The following DNAH12 variants were observed in gnomAD, a reference collection of about 807,000 sequenced individuals.
DNAH12 encodes axonemal beta dynein heavy chain 12.
DNAH12 carries 285 observed loss-of-function variants against 371.5 expected under a neutral mutation model. The observed-to-expected ratio is 0.77, with a 90% CI of 0.70 to 0.85. DNAH12 has a LOEUF of 0.85. Ranked by LOEUF, DNAH12 falls within the 40% of genes least tolerant of loss-of-function variation. The probability of loss-of-function intolerance (pLI) is 0.00; values close to 1 mark genes in which losing one functional copy is unlikely to be tolerated. For missense variants in DNAH12, 3,611 were observed against 3,689.4 expected, an observed-to-expected ratio of 0.98 and a Z score of 0.55; for synonymous variants, 1,200 against 1,213.0, an observed-to-expected ratio of 0.99 and a Z score of 0.22.
At chr3:57,373,784 A>G (rs1272650139) in intron 55 of DNAH12, among the ~76,000 whole-genome samples, 1 of 152,204 alleles carries the variant, frequency 6.6e-6, no homozygotes, top group African/African-American at 2.4e-5. Context: ...TAACCAAAAT[A>G]TATTCTTTTT....
rs767979624 is a variant in DNAH12 at position 57,436,980 on chromosome 3, T to C, written c.4626A>G (p.Gln1542=). 7.3e-6 allele frequency: 11 copies of C among 1,513,712 alleles called. No homozygotes were observed. In the East Asian group the frequency reaches 2.2e-4, roughly 31 times the overall value. The allele number at this position is 1,513,712 out of a possible 1,614,324, so 93.8% of individuals were successfully genotyped here. Residue 1542 remains glutamine, a synonymous_variant, in exon 30 of 74, where the codon CAA becomes CAG. Coordinates refer to ENST00000495027, the MANE Select transcript of DNAH12 (RefSeq NM_001366028.2). Reference sequence around the variant, plus strand: ...GTCTAACAATCATCATTTCATATGTTTGAATTATTTTTTCAAGAAAAAATT... The same window carrying C: ...GTCTAACAATCATCATTTCATATGTCTGAATTATTTTTTCAAGAAAAAATT... ...PVKFFLEKII[Q]TYEMMIVRHG...
intron 60 of DNAH12, among the ~76,000 whole-genome samples, chr3:57,340,094 G>A (rs953999565): frequency 1.3e-5 from 2 of 151,446 alleles, no homozygotes; most frequent in Non-Finnish European, 2.9e-5. Flanking sequence ...ATTCCTTGAA[G>A]CAAATGAAAA....
chr3:57,496,778 G>A (rs865801336), intron 11 of DNAH12, among the ~76,000 whole-genome samples: 1 of 152,130 alleles, frequency 6.6e-6, no homozygotes, highest in Non-Finnish European at 1.5e-5. Flanking sequence ...AGACCAGCCT[G>A]GCCAACATGG....
rs1458233348 is a variant in DNAH12 at position 57,314,671 on chromosome 3, G to A, written c.10525-40C>T. 3.3e-6 allele frequency: 5 copies of A among 1,507,810 alleles called. No homozygotes were observed. The South Asian group carries it at 3.9e-5, about 12-fold the overall frequency. The allele number at this position is 1,507,810 out of a possible 1,614,324, so 93.4% of individuals were successfully genotyped here. A position where few individuals can be genotyped will look rare whatever the true frequency, so the allele number is the denominator to read the frequency against. On this transcript the variant is annotated intron_variant, in intron 65 of 73. Transcript: ENST00000495027. The stretch of plus-strand genomic sequence containing the variant: ...GTACATAACAAGAAAAAAAATTCCG[G>A]TCAGATTCCATCAGTAAAATGAGAG...
At chr3:57,457,577 TTAA>T in intron 22 of DNAH12, 141 bp downstream of exon 22, 2 of 919,454 alleles carry the variant, frequency 2.2e-6, no homozygotes, top group Non-Finnish European at 3.1e-6. Context: ...TATTGTTATA[TTAA>T]TAATGTTAGA....
At chr3:57,354,546 AAAAG>A (rs1435544961) in intron 59 of DNAH12, among the ~76,000 whole-genome samples, 1 of 84,774 alleles carries the variant, frequency 1.2e-5, no homozygotes, top group Non-Finnish European at 3.2e-5. Context: ...GCTAAAAAAA[AAAAG>A]AAAAAAAAAA....
At position 57,433,410 on chromosome 3, in the gene DNAH12, A is replaced by C; in HGVS notation, c.4937T>G (p.Leu1646Trp). 6.4e-7 allele frequency: 1 copy of C among 1,551,468 alleles called. No homozygotes were observed. The highest frequency in any genetic ancestry group is 8.7e-7 in the Non-Finnish European group (1 of 1,146,910). ...TACTGTGTTCATGCTCTCTATCCAC[A>C]AAGTGTCAATAGGACCATCAAATAC... ...WVVFDGPIDTLWIESMNTVLD... is the reference protein window; with the variant it reads ...WVVFDGPIDTWWIESMNTVLD... Residue 1646 changes from leucine to tryptophan, a missense_variant, in exon 32 of 74, where the codon TTG (leucine) becomes TGG (tryptophan). Physicochemically the swap from Leu to Trp is moderately conservative, Grantham distance 61. This residue lies in a region of DNAH12 where 2,266 missense variants were observed against 2,236.9 expected (regional missense o/e 1.01). Transcript: ENST00000495027.
At chr3:57,332,270 C>A (rs556513006) in intron 62 of DNAH12, among the ~76,000 whole-genome samples, 1 of 152,260 alleles carries the variant, frequency 6.6e-6, no homozygotes, top group Non-Finnish European at 1.5e-5. Flanking sequence ...TTGGTGTCAG[C>A]CTACTTATCT....
chr3:57,450,146 G>T (rs1211951620), intron 25 of DNAH12, among the ~76,000 whole-genome samples: 1 of 151,938 alleles, frequency 6.6e-6, no homozygotes, highest in Non-Finnish European at 1.5e-5. Context: ...TATTTGGGAG[G>T]CTGAGGCAGG....
chr3:57,361,443 AC>A (rs1291845864), intron 58 of DNAH12, among the ~76,000 whole-genome samples: 10 of 96,090 alleles, frequency 1.0e-4, no homozygotes, highest in South Asian at 5.8e-4. Context: ...ACACACACAC[AC>A]TATATATATA....
intron 2 of DNAH12, chr3:57,536,277 T>A (rs2153401793): frequency 6.6e-6 from 1 of 152,330 alleles, no homozygotes; most frequent in Non-Finnish European, 1.5e-5. Context: ...CTCACAAATT[T>A]GTATGTCATC....
intron 37 of DNAH12, among the ~76,000 whole-genome samples, chr3:57,418,532 CCT>C (rs1464466806): frequency 6.7e-6 from 1 of 148,434 alleles, no homozygotes; most frequent in Non-Finnish European, 1.5e-5. Context: ...AGAGTGAGAC[CCT>C]GTCTCAAAAA....
At chr3:57,397,247 A>G (rs1032219862) in intron 43 of DNAH12, among the ~76,000 whole-genome samples, 82,208 of 151,926 alleles carry the variant, frequency 0.54, 22,457 homozygotes, top group East Asian at 0.61. Context: ...TTACCTTTGT[A>G]AGGACTTTAG....
rs567222062 is a variant in DNAH12, at chr3:57,523,003, GT to G, written c.279+579del. On this transcript the variant is annotated intron_variant, in intron 4 of 73. Transcript: ENST00000495027. ...AGTTCCTTTATAACTGCCACTTTGA[GT>G]TTTTTTTCAGTTGTTTGGAATAAGA... Among the ~76,000 whole-genome samples, 55 of 151,534 alleles carry G rather than the reference GT, an allele frequency of 3.6e-4. No individual in the cohort carries two copies. The East Asian group carries it at 7.4e-3, about 20-fold the overall frequency.
At chr3:57,541,179 A>G (rs1248230007) in intron 2 of DNAH12, among the ~76,000 whole-genome samples, 2 of 151,960 alleles carry the variant, frequency 1.3e-5, no homozygotes, top group African/African-American at 4.8e-5. Flanking sequence ...AGCTGGGATT[A>G]CAGGCACCTG....
At chr3:57,495,071 T>C (rs1485307484) in intron 11 of DNAH12, among the ~76,000 whole-genome samples, 1 of 151,862 alleles carries the variant, frequency 6.6e-6, no homozygotes, top group Non-Finnish European at 1.5e-5. Context: ...GGTCAATCCA[T>C]CAGAAAGATA....
At chr3:57,302,560 TA>T (rs1559535444) in intron 69 of DNAH12, among the ~76,000 whole-genome samples, 32 of 95,538 alleles carry the variant, frequency 3.3e-4, no homozygotes, top group Non-Finnish European at 4.7e-4. Context: ...TATATATATA[TA>T]TATGTATTTT....
intron 50 of DNAH12, among the ~76,000 whole-genome samples, chr3:57,380,781 A>G (rs981317645): frequency 2.6e-5 from 4 of 152,166 alleles, no homozygotes; most frequent in Admixed American, 6.5e-5. Flanking sequence ...CATACTTTCA[A>G]AATATCAACT....
chr3:57,342,173 A>G (rs1384731375), intron 60 of DNAH12, among the ~76,000 whole-genome samples: 1 of 152,128 alleles, frequency 6.6e-6, no homozygotes, highest in Non-Finnish European at 1.5e-5. Flanking sequence ...CTAGAAGAAA[A>G]CCTGGGGAAA....
Sources: gnomAD v4.1 joint callset for allele counts (sites outside exome capture counted in the v4.1 genomes callset) on GRCh38, gnomAD v4.1.1 for gene constraint, gnomAD v4.1.1 regional missense constraint, MANE v1.5 for transcripts, NCBI Gene and HGNC (gene_info 2026-07-23, HGNC 2026-07-21) for gene names.